ADAM32: variants seen among roughly 807,000 people sequenced by gnomAD.
ADAM32 encodes ADAM metallopeptidase domain 32, also known as disintegrin and metalloproteinase domain-containing protein 32.
Under a neutral mutation model 114.9 loss-of-function variants are expected in ADAM32, and 89 were observed. The observed-to-expected ratio is 0.77, with a 90% CI of 0.65 to 0.92. The LOEUF (loss-of-function observed/expected upper bound fraction) is 0.92. ADAM32 is among the 40% of genes least tolerant of loss of function. The probability of loss-of-function intolerance (pLI) is 0.00; values close to 1 mark genes in which losing one functional copy is unlikely to be tolerated. For missense variants in ADAM32, 870 were observed against 932.8 expected (o/e 0.93, Z 0.88); for synonymous variants, 285 against 307.5 (o/e 0.93, Z 0.77).
intron 10 of ADAM32, among the ~76,000 whole-genome samples, chr8:39,173,554 G>T (rs1805322011): frequency 1.3e-5 from 2 of 151,484 alleles, no homozygotes; most frequent in Admixed American, 1.3e-4. Flanking sequence ...TGTAGACTCT[G>T]TAGATTAGAC....
At chr8:39,197,099 T>C (rs6996235) in intron 11 of ADAM32, among the ~76,000 whole-genome samples, 37,568 of 152,028 alleles carry the variant, frequency 0.25, 5,014 homozygotes, top group Non-Finnish European at 0.29. Flanking sequence ...ATTTATCTGT[T>C]TCCTCTAGGT....
intron 18 of ADAM32, among the ~76,000 whole-genome samples, chr8:39,256,073 C>A (rs930062004): frequency 2.0e-5 from 3 of 151,950 alleles, no homozygotes; most frequent in Non-Finnish European, 4.4e-5. Flanking sequence ...CTATTCCATT[C>A]CATTGGTCTC....
At chr8:39,269,843 G>A (rs1459325328) in intron 19 of ADAM32, among the ~76,000 whole-genome samples, 2 of 152,172 alleles carry the variant, frequency 1.3e-5, no homozygotes, top group Non-Finnish European at 2.9e-5. Context: ...CCCAAGACTG[G>A]GTAATTTATA....
chr8:39,250,364 C>T (rs533822361), intron 17 of ADAM32, among the ~76,000 whole-genome samples: 21 of 151,538 alleles, frequency 1.4e-4, no homozygotes, highest in South Asian at 2.1e-4. Context: ...ATTCTATTTA[C>T]GGGCCCATCA....
intron 10 of ADAM32, among the ~76,000 whole-genome samples, chr8:39,178,322 G>A (rs1389793377): frequency 1.3e-5 from 2 of 152,104 alleles, no homozygotes; most frequent in Non-Finnish European, 2.9e-5. Context: ...TGATACTTGT[G>A]ATTGCATTGT....
intron 6 of ADAM32, among the ~76,000 whole-genome samples, chr8:39,159,037 T>C (rs2129445912): frequency 1.3e-5 from 2 of 152,224 alleles, no homozygotes; most frequent in South Asian, 4.1e-4. Flanking sequence ...AGTGGTACCA[T>C]TTCTGTTTCT....
In ADAM32 at chr8:39,260,249, G is replaced by A. The variant is rs116320762; in HGVS notation, c.2162+2906G>A. Among the ~76,000 whole-genome samples the A allele has an allele frequency of 4.6e-3, 695 of 152,150 alleles. 6 individuals are homozygous for A. The highest frequency in any genetic ancestry group is 0.015 in the African/African-American group (626 of 41,538). On this transcript the variant is annotated intron_variant, in intron 19 of 24. Transcript: ENST00000379907. ...CCTTAGCAAATGTCAAGTTTTTTACGTATAAGGTCATGTCATCTGAAAACA... is the reference window on the plus strand; with the variant it reads ...CCTTAGCAAATGTCAAGTTTTTTACATATAAGGTCATGTCATCTGAAAACA...
At chr8:39,186,408 G>A (rs1806250420) in intron 10 of ADAM32, among the ~76,000 whole-genome samples, 1 of 152,188 alleles carries the variant, frequency 6.6e-6, no homozygotes, top group Admixed American at 6.5e-5. Context: ...TGAAGGATCT[G>A]TTTTCTGTGG....
chr8:39,144,097 G>A, intron 3 of ADAM32, among the ~76,000 whole-genome samples: 1 of 152,218 alleles, frequency 6.6e-6, no homozygotes, highest in East Asian at 1.9e-4. Flanking sequence ...ATTTGGTCAG[G>A]AGTGTACTGT....
chr8:39,251,711 T>C (rs1393403829), intron 17 of ADAM32, among the ~76,000 whole-genome samples: 1 of 151,794 alleles, frequency 6.6e-6, no homozygotes, highest in Admixed American at 6.6e-5. Flanking sequence ...TGTAGAAGCT[T>C]TTTAGCTTGG....
At chr8:39,218,102 G>GT (rs928924012) in intron 12 of ADAM32, among the ~76,000 whole-genome samples, 53 of 151,896 alleles carry the variant, frequency 3.5e-4, no homozygotes, top group African/African-American at 1.2e-3. Context: ...TAATGGTGTG[G>GT]TTTTTTGCAG....
At chr8:39,240,321 A>G (rs1389624407) in intron 16 of ADAM32, among the ~76,000 whole-genome samples, 1 of 152,240 alleles carries the variant, frequency 6.6e-6, no homozygotes, top group Non-Finnish European at 1.5e-5. Flanking sequence ...CTGCTCCTGA[A>G]TGATCTTTTA....
chr8:39,258,412 T>A (rs900579592), intron 19 of ADAM32, among the ~76,000 whole-genome samples: 2 of 152,000 alleles, frequency 1.3e-5, no homozygotes, highest in Non-Finnish European at 2.9e-5. Flanking sequence ...TATCATTTCC[T>A]TTATACTCTC....
At chr8:39,283,750 A>G in intron 24 of ADAM32, 126 bp downstream of exon 24, 1 of 598,690 alleles carries the variant, frequency 1.7e-6, no homozygotes. Context: ...GCACCAATAA[A>G]TAACCTATCT....
At chr8:39,276,022 A>G (rs917091670) in intron 22 of ADAM32, 156 bp downstream of exon 22, 2 of 548,534 alleles carry the variant, frequency 3.6e-6, no homozygotes, top group South Asian at 8.9e-5. Flanking sequence ...CTGATCTAGT[A>G]ACTTGCGAGT....
intron 14 of ADAM32, among the ~76,000 whole-genome samples, chr8:39,229,416 A>G (rs999524828): frequency 1.3e-5 from 2 of 152,232 alleles, no homozygotes; most frequent in African/African-American, 4.8e-5. Flanking sequence ...AGAATGTATA[A>G]AAACTCATCA....
intron 15 of ADAM32, among the ~76,000 whole-genome samples, chr8:39,233,467 G>A (rs758110989): frequency 1.3e-5 from 2 of 152,164 alleles, no homozygotes; most frequent in African/African-American, 4.8e-5. Context: ...TGAGCAATGA[G>A]GATGACCAGA....
intron 22 of ADAM32, among the ~76,000 whole-genome samples, chr8:39,277,097 T>C (rs1474358998): frequency 6.6e-6 from 1 of 152,220 alleles, no homozygotes; most frequent in Non-Finnish European, 1.5e-5. Flanking sequence ...CACACATTCA[T>C]ATATCCATGA....
chr8:39,150,906 TGCA>T, intron 5 of ADAM32, among the ~76,000 whole-genome samples: 2 of 128,214 alleles, frequency 1.6e-5, no homozygotes, highest in Non-Finnish European at 3.4e-5. Flanking sequence ...TTGTCATATA[TGCA>T]GTATAATCAT....
Sources: gnomAD v4.1 joint callset for allele counts (sites outside exome capture counted in the v4.1 genomes callset) on GRCh38, gnomAD v4.1.1 for gene constraint, MANE v1.5 for transcripts, NCBI Gene and HGNC (gene_info 2026-07-23, HGNC 2026-07-21) for gene names.